The following ANKS1B variants were observed in gnomAD, a reference collection of about 807,000 sequenced individuals.
The protein encoded by ANKS1B is ankyrin repeat and sterile alpha motif domain-containing protein 1B.
In ANKS1B, 36 loss-of-function variants were observed where a neutral mutation model predicts 148.3. That is an observed-to-expected ratio of 0.24 (90% CI 0.19 to 0.32). The LOEUF is 0.32. Among genes scored for constraint, ANKS1B ranks in the 10% least tolerant of loss-of-function variants. The pLI is 1.00. For synonymous variants in ANKS1B, 542 were observed against 560.8 expected, an observed-to-expected ratio of 0.97 and a Z score of 0.47; for missense variants, 1,157 against 1,542.6, an observed-to-expected ratio of 0.75 and a Z score of 4.19.
intron 9 of ANKS1B, among the ~76,000 whole-genome samples, chr12:99,558,396 G>A (rs1209010045): frequency 1.3e-5 from 2 of 152,172 alleles, no homozygotes; most frequent in African/African-American, 4.8e-5. Context: ...ACGCATGCCA[G>A]CATGGGATGG....
At chr12:99,287,360 C>T (rs12306418) in intron 12 of ANKS1B, among the ~76,000 whole-genome samples, 16,993 of 152,132 alleles carry the variant, frequency 0.11, 2,518 homozygotes, top group African/African-American at 0.35. Flanking sequence ...GGAGTGCCCC[C>T]TAATGCAGAT....
intron 9 of ANKS1B, among the ~76,000 whole-genome samples, chr12:99,624,429 G>A (rs1282879352): frequency 6.6e-6 from 1 of 151,872 alleles, no homozygotes; most frequent in Non-Finnish European, 1.5e-5. Flanking sequence ...AGCTTCTGCA[G>A]GGCAAAAGAA....
At chr12:99,198,709 A>G (rs1451162471) in intron 14 of ANKS1B, among the ~76,000 whole-genome samples, 2 of 152,176 alleles carry the variant, frequency 1.3e-5, no homozygotes, top group Non-Finnish European at 2.9e-5. Context: ...GCATTAATTA[A>G]TAACATCTAA....
intron 25 of ANKS1B, among the ~76,000 whole-genome samples, chr12:98,757,424 G>A (rs905468579): frequency 2.6e-5 from 4 of 152,226 alleles, no homozygotes; most frequent in African/African-American, 9.6e-5. Context: ...CGCAGCAAGA[G>A]ATAACTGGAA....
chr12:99,885,353 T>G (rs1489109844), intron 1 of ANKS1B, among the ~76,000 whole-genome samples: 2 of 144,856 alleles, frequency 1.4e-5, no homozygotes, highest in African/African-American at 5.1e-5. Flanking sequence ...CAGGCTGGAG[T>G]GCAGTGGCCC....
chr12:99,620,955 C>T (rs2098040470), intron 9 of ANKS1B, among the ~76,000 whole-genome samples: 1 of 152,074 alleles, frequency 6.6e-6, no homozygotes, highest in African/African-American at 2.4e-5. Context: ...GGCATATAGT[C>T]ACCAGCCTGT....
At chr12:99,919,153 A>G (rs1236189502) in intron 1 of ANKS1B, among the ~76,000 whole-genome samples, 3 of 152,206 alleles carry the variant, frequency 2.0e-5, no homozygotes, top group African/African-American at 7.2e-5. Context: ...CAATTATTTT[A>G]AAGTTTACAA....
chr12:98,927,586 C>A (rs2099809892), intron 17 of ANKS1B, among the ~76,000 whole-genome samples: 1 of 151,300 alleles, frequency 6.6e-6, no homozygotes, highest in South Asian at 2.1e-4. Flanking sequence ...CTTTTATCAT[C>A]CAGCCCAAAA....
Position 99,772,952 on chromosome 12 carries a change from T to C in ANKS1B, c.1098A>G (p.Glu366=). 3 of 1,611,484 alleles carry C rather than the reference T, an allele frequency of 1.9e-6. No homozygotes were observed. The highest frequency in any genetic ancestry group is 2.5e-6 in the Non-Finnish European group (3 of 1,178,798). ...YLDNLSKISE[E]ELGKNGSQSV... ...TCTGGCTTCCATTTTTCCCAAGTTC[T>C]TCCTCTGAAATCTTGCTCAAATTAT... Residue 366 remains glutamate (E), a synonymous_variant, in exon 8 of 27, where the codon GAA becomes GAG. Transcript: ENST00000683438.
chr12:99,902,108 T>C (rs1366195650), intron 1 of ANKS1B, among the ~76,000 whole-genome samples: 3 of 151,940 alleles, frequency 2.0e-5, no homozygotes, highest in Non-Finnish European at 2.9e-5. Flanking sequence ...AAATAAATAA[T>C]GGGAGAAGAT....
intron 8 of ANKS1B, among the ~76,000 whole-genome samples, chr12:99,737,891 A>G (rs1023601009): frequency 2.0e-5 from 3 of 152,038 alleles, no homozygotes; most frequent in African/African-American, 7.2e-5. Context: ...CTATTCATCA[A>G]TAGTTTATTA....
At chr12:98,813,454 C>T (rs759782696) in intron 19 of ANKS1B, among the ~76,000 whole-genome samples, 1 of 150,676 alleles carries the variant, frequency 6.6e-6, no homozygotes, top group Non-Finnish European at 1.5e-5. Flanking sequence ...TGGGCTCAAG[C>T]GATCTGCCTT....
intron 14 of ANKS1B, among the ~76,000 whole-genome samples, chr12:99,238,654 T>G (rs1172247482): frequency 6.6e-6 from 1 of 152,104 alleles, no homozygotes; most frequent in Non-Finnish European, 1.5e-5. Flanking sequence ...CATCTCCCAG[T>G]AGGGGCCAAC....
At chr12:99,520,247 T>C (rs1331312668) in intron 9 of ANKS1B, among the ~76,000 whole-genome samples, 1 of 152,234 alleles carries the variant, frequency 6.6e-6, no homozygotes, top group African/African-American at 2.4e-5. Context: ...ACATTTCTTG[T>C]AGGACAGGTC....
intron 9 of ANKS1B, among the ~76,000 whole-genome samples, chr12:99,545,582 C>G (rs964670537): frequency 2.6e-5 from 4 of 151,824 alleles, no homozygotes; most frequent in Non-Finnish European, 5.9e-5. Context: ...CTTTTCTTGA[C>G]TAGAGTTTGA....
At chr12:99,234,254 C>T (rs985328599) in intron 14 of ANKS1B, among the ~76,000 whole-genome samples, 6 of 152,116 alleles carry the variant, frequency 3.9e-5, no homozygotes, top group African/African-American at 1.4e-4. Flanking sequence ...AATTGTCAAG[C>T]AAAAGCAGTA....
At chr12:99,241,093 A>G (rs1229980682) in intron 14 of ANKS1B, among the ~76,000 whole-genome samples, 1 of 152,222 alleles carries the variant, frequency 6.6e-6, no homozygotes, top group African/African-American at 2.4e-5. Flanking sequence ...CCTTCACAAA[A>G]TCAATGAATC....
At chr12:99,494,134 G>A (rs2096580432) in intron 10 of ANKS1B, among the ~76,000 whole-genome samples, 1 of 152,130 alleles carries the variant, frequency 6.6e-6, no homozygotes, top group Admixed American at 6.5e-5. Context: ...TCGCCAACCT[G>A]TGCTTCTGAG....
At chr12:99,910,602 C>T (rs373906842) in intron 1 of ANKS1B, among the ~76,000 whole-genome samples, 4 of 152,026 alleles carry the variant, frequency 2.6e-5, no homozygotes, top group South Asian at 4.2e-4. Flanking sequence ...CTTTTTAGAG[C>T]GATGAACATA....
Sources: allele counts gnomAD v4.1 joint callset (sites outside exome capture counted in the v4.1 genomes callset), GRCh38; gene constraint gnomAD v4.1.1; transcripts MANE v1.5; gene names NCBI Gene and HGNC (gene_info 2026-07-23, HGNC 2026-07-21).